The following HYDIN variants were observed in gnomAD, a reference collection of about 807,000 sequenced individuals.
HYDIN encodes the protein axonemal central pair apparatus protein HYDIN.
Under a neutral mutation model 403.9 loss-of-function variants are expected in HYDIN, and 132 were observed. The ratio of observed to expected loss-of-function variants is 0.33; its 90% CI spans 0.28 to 0.38. The LOEUF (loss-of-function observed/expected upper bound fraction) is 0.38, where lower values mean the gene tolerates loss of function less well. Ranked by LOEUF, HYDIN falls within the 10% of genes least tolerant of loss-of-function variation. The pLI is 1.00. For missense variants in HYDIN, 2,827 were observed against 5,009.5 expected, an observed-to-expected ratio of 0.56 and a Z score of 13.15; for synonymous variants, 1,202 against 1,891.7, an observed-to-expected ratio of 0.64 and a Z score of 9.46.
intron 9 of HYDIN, among the ~76,000 whole-genome samples, chr16:71,125,419 A>G (rs1203480568): frequency 5.3e-5 from 8 of 152,188 alleles, no homozygotes. Context: ...GTTTATTAGC[A>G]CTGGCCACAA....
chr16:70,878,801 C>T (rs1182599115), intron 62 of HYDIN, among the ~76,000 whole-genome samples: 2 of 139,244 alleles, frequency 1.4e-5, no homozygotes, highest in Non-Finnish European at 3.0e-5. Context: ...ATTTTCCCTT[C>T]ATTGTCTAGA....
At chr16:71,163,374 C>T (rs1164627250) in intron 5 of HYDIN, among the ~76,000 whole-genome samples, 9 of 152,140 alleles carry the variant, frequency 5.9e-5, no homozygotes, top group African/African-American at 1.9e-4. Flanking sequence ...CCGCCTGCCT[C>T]GGCCTCCCAA....
chr16:71,074,902 G>A (rs369706914), intron 13 of HYDIN, among the ~76,000 whole-genome samples: 2 of 146,944 alleles, frequency 1.4e-5, no homozygotes, highest in African/African-American at 5.1e-5. Flanking sequence ...ATTGCCCCTC[G>A]CTTTGGCTGA....
intron 84 of HYDIN, among the ~76,000 whole-genome samples, chr16:70,811,860 G>GA (rs901044569): frequency 1.8e-3 from 202 of 115,106 alleles, no homozygotes; most frequent in African/African-American, 5.2e-3. Context: ...TCCATCTTGG[G>GA]AAAAAAAAAA....
At chr16:71,192,453 A>G (rs1023458299) in intron 1 of HYDIN, among the ~76,000 whole-genome samples, 1 of 151,000 alleles carries the variant, frequency 6.6e-6, no homozygotes. Context: ...CACTCTCCAC[A>G]CTCCTTAGCA....
intron 23 of HYDIN, among the ~76,000 whole-genome samples, chr16:71,003,326 C>A (rs541643955): frequency 2.4e-4 from 36 of 152,250 alleles, no homozygotes; most frequent in Non-Finnish European, 4.0e-4. Context: ...CTTTACTGAA[C>A]TGAGCCTTTT....
chr16:71,191,691 G>C (rs1030439421), intron 1 of HYDIN, among the ~76,000 whole-genome samples: 3 of 152,060 alleles, frequency 2.0e-5, no homozygotes, highest in Non-Finnish European at 4.4e-5. Context: ...CTTCCCGGCA[G>C]CTATTTCTCT....
intron 1 of HYDIN, among the ~76,000 whole-genome samples, chr16:71,197,451 T>G (rs1160142820): frequency 9.2e-5 from 14 of 152,162 alleles, no homozygotes; most frequent in Admixed American, 9.2e-4. Flanking sequence ...AAAAGCATTG[T>G]TACAGTTTGA....
At chr16:70,920,531 C>G in intron 46 of HYDIN, 60 bp downstream of exon 46, 3 of 1,356,198 alleles carry the variant, frequency 2.2e-6, no homozygotes, top group Admixed American at 2.0e-5. Flanking sequence ...CCCCTGATGA[C>G]CTTAGCACAG....
chr16:71,138,023 A>G (rs1466546148), intron 7 of HYDIN, among the ~76,000 whole-genome samples: 2 of 151,492 alleles, frequency 1.3e-5, no homozygotes, highest in African/African-American at 4.9e-5. Flanking sequence ...AATTTTAAAT[A>G]TTAGGAATAT....
At chr16:71,222,280 C>T (rs2040838337) in intron 1 of HYDIN, among the ~76,000 whole-genome samples, 4 of 152,034 alleles carry the variant, frequency 2.6e-5, no homozygotes, top group Admixed American at 2.0e-4. Flanking sequence ...TGAAAAAATC[C>T]AGCACCCCTT....
chr16:70,957,104 A>C (rs1382518322), intron 39 of HYDIN, among the ~76,000 whole-genome samples: 1 of 151,052 alleles, frequency 6.6e-6, no homozygotes, highest in Non-Finnish European at 1.5e-5. Context: ...CCCGAACTGA[A>C]ACTCTGTACC....
intron 5 of HYDIN, among the ~76,000 whole-genome samples, chr16:71,165,192 C>T (rs1471938023): frequency 7.9e-5 from 12 of 151,390 alleles, no homozygotes; most frequent in Non-Finnish European, 1.3e-4. Flanking sequence ...GGCGCACTTG[C>T]GAAGGTCCCG....
At chr16:70,835,928 T>A (rs1260346901) in intron 77 of HYDIN, 94 bp from the exon 78 acceptor site, 2 of 695,226 alleles carry the variant, frequency 2.9e-6, no homozygotes, top group Non-Finnish European at 5.1e-6. Context: ...GGTGGTTCCT[T>A]CTCTTTCTGT....
intron 73 of HYDIN, among the ~76,000 whole-genome samples, chr16:70,852,476 GT>G (rs2038720844): frequency 8.3e-6 from 1 of 121,148 alleles, no homozygotes; most frequent in Non-Finnish European, 1.7e-5. Context: ...AGAATAAAAG[GT>G]TTTGCTCTGT....
rs998632430 is a variant in HYDIN at position 71,031,699 on chromosome 16, G to C, written c.2748C>G (p.Leu916=). The C allele has an allele frequency of 1.3e-6, 2 of 1,587,594 alleles. No individual in the cohort carries two copies. The highest frequency in any genetic ancestry group is 2.8e-5 in the African/African-American group (2 of 71,262). Residue 916 remains leucine (L), a synonymous_variant, in exon 19 of 86, where the codon CTC becomes CTG. Transcript: ENST00000393567. The part of the protein sequence containing the change: ...IVSDKPFAPE[L]NLGAHFSLDT... ...CTTACCTAAAATGTGCCCCCAAATTGAGTTCTGGAGCAAAGGGCTTATCTG... is the reference window on the plus strand; with the variant it reads ...CTTACCTAAAATGTGCCCCCAAATTCAGTTCTGGAGCAAAGGGCTTATCTG...
intron 65 of HYDIN, among the ~76,000 whole-genome samples, chr16:70,871,778 A>C (rs913357591): frequency 7.2e-5 from 9 of 124,726 alleles, no homozygotes; most frequent in African/African-American, 2.6e-4. Context: ...ATTCATCTAT[A>C]CAGGCCTCCA....
At chr16:71,174,501 A>T (rs2086590488) in intron 5 of HYDIN, among the ~76,000 whole-genome samples, 1 of 152,170 alleles carries the variant, frequency 6.6e-6, no homozygotes, top group Admixed American at 6.5e-5. Context: ...TTTGTTCTGC[A>T]TATTTAAGAC....
chr16:71,230,696 C>G lies in HYDIN; in HGVS notation c.-158G>C, dbSNP rs774162034. 10 of 1,535,932 alleles carry G rather than the reference C, an allele frequency of 6.5e-6. No individual in the cohort carries two copies. The highest frequency in any genetic ancestry group is 4.1e-5 in the African/African-American group (3 of 73,034). Reference sequence around the variant, plus strand: ...CCGCCCGCACTCTCCATGCGCCGCCCGAGCTGTTGCCGTCCGTTGCCACGG... The same window carrying G: ...CCGCCCGCACTCTCCATGCGCCGCCGGAGCTGTTGCCGTCCGTTGCCACGG... On this transcript the variant is annotated 5_prime_UTR_variant, in exon 1 of 86. Coordinates refer to ENST00000393567, the MANE Select transcript of HYDIN (RefSeq NM_001270974.2).
Sources: gnomAD v4.1 joint callset for allele counts (sites outside exome capture counted in the v4.1 genomes callset) on GRCh38, gnomAD v4.1.1 for gene constraint, MANE v1.5 for transcripts, NCBI Gene and HGNC (gene_info 2026-07-23, HGNC 2026-07-21) for gene names.